RECK: variants seen among roughly 807,000 people sequenced by gnomAD.
RECK encodes reversion inducing cysteine rich protein with kazal motifs, also known as reversion-inducing cysteine-rich protein with Kazal motifs.
RECK carries 69 observed loss-of-function variants against 115.1 expected under a neutral mutation model. That is an observed-to-expected ratio of 0.60 (90% CI 0.49 to 0.73). RECK has a LOEUF of 0.73. Among genes scored for constraint, RECK ranks in the 30% least tolerant of loss-of-function variants. The pLI is 0.00. For synonymous variants in RECK, 414 were observed against 419.7 expected (o/e 0.99, Z 0.17); for missense variants, 1,047 against 1,203.7 (o/e 0.87, Z 1.93).
Position 36,123,087 on chromosome 9 carries a change from C to A in RECK, c.*42C>A. On this transcript the variant is annotated 3_prime_UTR_variant, in exon 21 of 21. Transcript: ENST00000377966. Reference sequence around the variant, plus strand: ...CAGAATGCTCCTCCACCTCACTCTCCTGCCTTGAAAAAGACATTCAGGACT... The same window carrying A: ...CAGAATGCTCCTCCACCTCACTCTCATGCCTTGAAAAAGACATTCAGGACT... The A allele has an allele frequency of 6.6e-7, 1 of 1,511,804 alleles. No individual in the cohort carries two copies. Among genetic ancestry groups the A allele is most frequent in the Non-Finnish European group, 9.1e-7 (1 of 1,102,058 alleles). The allele number at this position is 1,511,804 out of a possible 1,614,324, so 93.6% of individuals were successfully genotyped here.
chr9:36,048,169 A>C (rs1821148651), intron 1 of RECK, among the ~76,000 whole-genome samples: 1 of 145,522 alleles, frequency 6.9e-6, no homozygotes, highest in Admixed American at 6.8e-5. Context: ...ATGTAAAAAC[A>C]GGTGTTTTAA....
At chr9:36,110,752 G>C (rs1204704750) in intron 15 of RECK, among the ~76,000 whole-genome samples, 1 of 151,920 alleles carries the variant, frequency 6.6e-6, no homozygotes, top group Non-Finnish European at 1.5e-5. Context: ...CTGCTGCAGT[G>C]GCAACTTGAT....
At chr9:36,115,575 A>G (rs904427565) in intron 16 of RECK, among the ~76,000 whole-genome samples, 2 of 151,886 alleles carry the variant, frequency 1.3e-5, no homozygotes, top group Non-Finnish European at 2.9e-5. Flanking sequence ...CCTGTTTCTC[A>G]TCCCTGGCAT....
Position 36,057,083 on chromosome 9 carries a change from T to G in RECK, c.160-1744T>G, listed in dbSNP as rs931647251. 4.4e-6 allele frequency: 4 copies of G among 915,444 alleles called. No homozygotes were observed. The African/African-American group carries it at 7.2e-5, about 16-fold the overall frequency. 56.7% of individuals were successfully genotyped at this position (915,444 alleles called of 1,614,324 possible). On this transcript the variant is annotated intron_variant, in intron 2 of 20. Coordinates refer to ENST00000377966, the MANE Select transcript of RECK (RefSeq NM_021111.3). ...ACTGAAACACCAAATTGTAATTGCA[T>G]AACGTCCTATTTGGAAGTGAGCCAT...
intron 8 of RECK, among the ~76,000 whole-genome samples, chr9:36,084,691 CAGGAAGGAAGA>C (rs1292025665): frequency 1.4e-5 from 2 of 141,846 alleles, no homozygotes; most frequent in Non-Finnish European, 3.0e-5. Context: ...CAGACATCGT[CAGGAAGGAAGA>C]AGGAAGGAAG....
At chr9:36,120,355 A>G (rs1824415213) in intron 18 of RECK, among the ~76,000 whole-genome samples, 1 of 152,212 alleles carries the variant, frequency 6.6e-6, no homozygotes, top group Non-Finnish European at 1.5e-5. Flanking sequence ...TCACACAGTG[A>G]GTTTTGAGGC....
At chr9:36,115,188 G>A (rs10972731) in intron 16 of RECK, among the ~76,000 whole-genome samples, 42,392 of 151,486 alleles carry the variant, frequency 0.28, 7,157 homozygotes, top group Middle Eastern at 0.44. Context: ...GGTGGCACAC[G>A]CCTGTAATTC....
At chr9:36,050,582 T>G (rs1002261177) in intron 1 of RECK, among the ~76,000 whole-genome samples, 1 of 152,228 alleles carries the variant, frequency 6.6e-6, no homozygotes, top group Non-Finnish European at 1.5e-5. Context: ...AGTGGTCTTT[T>G]TAAAATGTTA....
rs149341521 is a variant in RECK at position 36,045,148 on chromosome 9, T to C, written c.101-7117T>C. Reference sequence around the variant, plus strand: ...GCAGTATGACAAGATGTTAGCAGTGTTGAATTGAGGTGGTGAGTATGTGGG... The same window carrying C: ...GCAGTATGACAAGATGTTAGCAGTGCTGAATTGAGGTGGTGAGTATGTGGG... On this transcript the variant is annotated intron_variant, in intron 1 of 20. Transcript: ENST00000377966. Among the ~76,000 whole-genome samples the C allele has an allele frequency of 6.2e-3, 945 of 152,298 alleles. 10 individuals are homozygous for C. The highest frequency in any genetic ancestry group is 0.021 in the African/African-American group (879 of 41,558).
intron 6 of RECK, chr9:36,066,737 A>C (rs535392371): frequency 7.7e-6 from 9 of 1,169,374 alleles, no homozygotes; most frequent in African/African-American, 3.2e-5. Flanking sequence ...CTTTTCTCCT[A>C]CATGATGTCT....
intron 14 of RECK, 50 bp downstream of exon 14, chr9:36,108,214 A>G (rs1168319907): frequency 2.2e-5 from 29 of 1,346,732 alleles, no homozygotes; most frequent in Middle Eastern, 1.9e-4. Flanking sequence ...AGTTATTTTT[A>G]CTTTGTAGGA....
In RECK at chr9:36,037,084, C is replaced by A; in HGVS notation, c.86C>A (p.Ala29Asp). 7.3e-7 allele frequency: 1 copy of A among 1,368,094 alleles called. No homozygotes were observed. Among genetic ancestry groups the A allele is most frequent in the South Asian group, 1.7e-5 (1 of 58,738 alleles). 84.7% of individuals were successfully genotyped at this position (1,368,094 alleles called of 1,614,324 possible). ...GTCGCGGAGGTGGCAGGGGGCCTGGCTCCGGGCAGTGCGGGTGAGTAACCT... is the reference window on the plus strand; with the variant it reads ...GTCGCGGAGGTGGCAGGGGGCCTGGATCCGGGCAGTGCGGGTGAGTAACCT... ...AGVAEVAGGL[A>D]PGSAGALCCN... The change falls in exon 1 of 21, where the codon GCT becomes GAT. Residue 29 changes from alanine to aspartate, a missense_variant. Physicochemically the swap from Ala to Asp is moderately radical, Grantham distance 126. Coordinates refer to ENST00000377966, the MANE Select transcript of RECK (RefSeq NM_021111.3).
chr9:36,052,922 T>G (rs1330225514), intron 2 of RECK, among the ~76,000 whole-genome samples: 3 of 152,162 alleles, frequency 2.0e-5, no homozygotes, highest in South Asian at 2.1e-4. Flanking sequence ...AATAGTAGTA[T>G]TATACCAATA....
rs766764692 is a variant in RECK at position 36,083,354 on chromosome 9, T to C, written c.440-11T>C. On this transcript the variant is annotated splice_polypyrimidine_tract_variant and intron_variant, in intron 7 of 20. Coordinates refer to ENST00000377966, the MANE Select transcript of RECK (RefSeq NM_021111.3). The stretch of plus-strand genomic sequence containing the variant: ...TTTCCATGTCAGTGCCTTCTCTTTT[T>C]TTCTCCATAGTGGGCTCGGTTTGTT... 1 of 1,610,176 alleles carries C rather than the reference T, an allele frequency of 6.2e-7. No homozygotes were observed. Among genetic ancestry groups the C allele is most frequent in the South Asian group, 1.1e-5 (1 of 90,538 alleles).
At chr9:36,053,224 A>G (rs900872591) in intron 2 of RECK, among the ~76,000 whole-genome samples, 2 of 152,160 alleles carry the variant, frequency 1.3e-5, no homozygotes, top group African/African-American at 4.8e-5. Context: ...GAACCTGTTT[A>G]TGAAAGTTCC....
chr9:36,106,632 C>T (rs1427971319), intron 13 of RECK, among the ~76,000 whole-genome samples: 1 of 151,922 alleles, frequency 6.6e-6, no homozygotes, highest in Non-Finnish European at 1.5e-5. Context: ...TGTAATATAT[C>T]GGCTATAGAG....
rs770444578 is a variant in RECK, at chr9:36,080,623, A to G, written c.424A>G (p.Ile142Val). The G allele has an allele frequency of 4.8e-5, 78 of 1,609,768 alleles. No homozygotes were observed. In the Middle Eastern group the frequency reaches 3.1e-3, roughly 65 times the overall value. The change falls in exon 7 of 21, where the codon ATT (isoleucine) becomes GTT (valine). Residue 142 changes from isoleucine (I) to valine (V), a missense_variant. Coordinates refer to ENST00000377966, the MANE Select transcript of RECK (RefSeq NM_021111.3). ...KEYENALFSC[I>V]SRNEMGSVCC... is the part of the protein sequence containing the mutation. ...TTTACAGAATGCTCTTTTCAGTTGCATTAGCAGAAATGAAAGTAAGTATAT... is the reference window on the plus strand; with the variant it reads ...TTTACAGAATGCTCTTTTCAGTTGCGTTAGCAGAAATGAAAGTAAGTATAT...
intron 4 of RECK, among the ~76,000 whole-genome samples, chr9:36,061,405 C>CACACAA (rs1037769356): frequency 1.4e-5 from 2 of 144,316 alleles, no homozygotes; most frequent in African/African-American, 5.6e-5. Flanking sequence ...CACACACACA[C>CACACAA]ACACACACAC....
intron 1 of RECK, among the ~76,000 whole-genome samples, chr9:36,042,867 A>G (rs1269848147): frequency 6.6e-6 from 1 of 151,898 alleles, no homozygotes; most frequent in African/African-American, 2.4e-5. Context: ...AATTATGGCT[A>G]TTCTTGCATG....
Sources: gnomAD v4.1 joint callset for allele counts (sites outside exome capture counted in the v4.1 genomes callset) on GRCh38, gnomAD v4.1.1 for gene constraint, MANE v1.5 for transcripts, NCBI Gene and HGNC (gene_info 2026-07-23, HGNC 2026-07-21) for gene names.